Variants in POU2F1 observed in about 807,000 individuals in gnomAD.
The protein encoded by POU2F1 is POU class 2 homeobox 1, also known as POU domain, class 2, transcription factor 1.
POU2F1 carries 16 observed loss-of-function variants against 84.9 expected under a neutral mutation model. The ratio of observed to expected loss-of-function variants is 0.19; its 90% confidence interval spans 0.13 to 0.29. The LOEUF is 0.29. Ranked by LOEUF, POU2F1 falls within the 10% of genes least tolerant of loss-of-function variation. The pLI, the probability that POU2F1 is intolerant of heterozygous loss-of-function variation, is 1.00. For synonymous variants in POU2F1, 368 were observed against 368.3 expected (o/e 1.00, Z 0.01); for missense variants, 738 against 942.6 (o/e 0.78, Z 2.84).
intron 1 of POU2F1, among the ~76,000 whole-genome samples, chr1:167,306,461 T>A (rs1167838739): frequency 6.6e-6 from 1 of 152,206 alleles, no homozygotes. Context: ...TTTATCAAGA[T>A]ATAATACCTT....
At chr1:167,333,594 G>T (rs1657223218) in intron 2 of POU2F1, among the ~76,000 whole-genome samples, 1 of 152,158 alleles carries the variant, frequency 6.6e-6, no homozygotes. Context: ...TATACCTGGA[G>T]ATGCTTATGT....
intron 1 of POU2F1, among the ~76,000 whole-genome samples, chr1:167,282,194 A>G (rs768824482): frequency 3.3e-5 from 5 of 151,220 alleles, no homozygotes; most frequent in South Asian, 2.1e-4. Context: ...CCAGGCTGGA[A>G]TGCAGTGGCG....
chr1:167,248,713 A>G (rs546060604), intron 1 of POU2F1, among the ~76,000 whole-genome samples: 23 of 152,312 alleles, frequency 1.5e-4, no homozygotes, highest in African/African-American at 5.1e-4. Context: ...GTACTGAACA[A>G]ACACAAGAGC....
In POU2F1 at chr1:167,301,206, C is replaced by G. The variant is rs533678221; in HGVS notation, c.62-31264C>G. Among the ~76,000 whole-genome samples the G allele has an allele frequency of 3.6e-4, 55 of 152,140 alleles. No individual in the cohort carries two copies. In the East Asian group the frequency reaches 8.1e-3, roughly 22 times the overall value. On this transcript the variant is annotated intron_variant, in intron 1 of 15. Transcript: ENST00000367866. Reference sequence around the variant, plus strand: ...CTCTCTCTCTCTCTCTGAATGTTACCTATTACATTAGGTGACCCACAGGGA... The same window carrying G: ...CTCTCTCTCTCTCTCTGAATGTTACGTATTACATTAGGTGACCCACAGGGA...
At chr1:167,227,976 C>T (rs1048402226) in intron 1 of POU2F1, among the ~76,000 whole-genome samples, 1 of 152,196 alleles carries the variant, frequency 6.6e-6, no homozygotes, top group African/African-American at 2.4e-5. Flanking sequence ...AGTCACTTAA[C>T]TATTCAGTAA....
chr1:167,247,118 C>A (rs1650386971), intron 1 of POU2F1, among the ~76,000 whole-genome samples: 1 of 151,582 alleles, frequency 6.6e-6, no homozygotes, highest in Admixed American at 6.6e-5. Flanking sequence ...CTCTGTCGCC[C>A]AGGATGAAGT....
chr1:167,223,023 A>G (rs1305877449), intron 1 of POU2F1, among the ~76,000 whole-genome samples: 1 of 152,228 alleles, frequency 6.6e-6, no homozygotes, highest in Non-Finnish European at 1.5e-5. Context: ...CAACAGTTTC[A>G]TAATTTCTTG....
intron 1 of POU2F1, among the ~76,000 whole-genome samples, chr1:167,308,695 T>G (rs1655254899): frequency 6.6e-6 from 1 of 152,040 alleles, no homozygotes; most frequent in Admixed American, 6.5e-5. Context: ...CTGGCTGACT[T>G]TTTTGTAGAG....
intron 1 of POU2F1, among the ~76,000 whole-genome samples, chr1:167,262,485 G>T (rs558078085): frequency 6.6e-6 from 1 of 152,194 alleles, no homozygotes; most frequent in Non-Finnish European, 1.5e-5. Context: ...ATCAGAAACC[G>T]TATCTGCCCT....
At chr1:167,229,350 A>G (rs571566119) in intron 1 of POU2F1, among the ~76,000 whole-genome samples, 25 of 152,108 alleles carry the variant, frequency 1.6e-4, no homozygotes, top group Non-Finnish European at 2.6e-4. Context: ...CAGTGAATTC[A>G]CTTTGACATG....
intron 13 of POU2F1, among the ~76,000 whole-genome samples, chr1:167,404,710 G>A (rs1354263688): frequency 6.6e-6 from 1 of 152,136 alleles, no homozygotes; most frequent in East Asian, 1.9e-4. Context: ...CTCAGTATCT[G>A]ACAAATAACT....
chr1:167,267,275 A>G (rs1652033964), intron 1 of POU2F1, among the ~76,000 whole-genome samples: 2 of 152,074 alleles, frequency 1.3e-5, no homozygotes, highest in South Asian at 2.1e-4. Context: ...ATACCAAACT[A>G]TATATGCAAG....
intron 1 of POU2F1, among the ~76,000 whole-genome samples, chr1:167,248,848 T>C (rs1650523436): frequency 6.6e-6 from 1 of 152,204 alleles, no homozygotes; most frequent in African/African-American, 2.4e-5. Context: ...TTAATTTTCA[T>C]AACAACTTTA....
chr1:167,293,252 C>T (rs1303234748), intron 1 of POU2F1, among the ~76,000 whole-genome samples: 1 of 152,100 alleles, frequency 6.6e-6, no homozygotes, highest in Non-Finnish European at 1.5e-5. Context: ...CCTAAAGACT[C>T]TTAGATTCGA....
intron 1 of POU2F1, among the ~76,000 whole-genome samples, chr1:167,328,570 T>C (rs771769471): frequency 1.3e-5 from 2 of 152,168 alleles, no homozygotes; most frequent in Non-Finnish European, 2.9e-5. Context: ...CTTAAGTCTG[T>C]AGGGTTGTTT....
In POU2F1 at chr1:167,300,915, C is replaced by T. The variant is rs993528237; in HGVS notation, c.62-31555C>T. ...CCTCCTGAGTGGCTGGGATTACAGG[C>T]GCATGCCACCACGCGCAGCTAATTT... is the stretch of plus-strand genomic sequence containing the variant. On this transcript the variant is annotated intron_variant, in intron 1 of 15. Coordinates refer to ENST00000367866, the MANE Select transcript of POU2F1 (RefSeq NM_002697.4). Among the ~76,000 whole-genome samples, 5 of 152,024 alleles carry T rather than the reference C, an allele frequency of 3.3e-5. No homozygotes were observed. The South Asian group carries it at 8.3e-4, about 25-fold the overall frequency.
At chr1:167,230,513 A>G (rs1039263718) in intron 1 of POU2F1, among the ~76,000 whole-genome samples, 1 of 152,180 alleles carries the variant, frequency 6.6e-6, no homozygotes, top group Non-Finnish European at 1.5e-5. Context: ...TCCTTTCCAC[A>G]GTAGCTTTTG....
rs150793773 is a variant in POU2F1, at chr1:167,222,668, C to T, written c.61+1710C>T. Among the ~76,000 whole-genome samples, 191 of 152,294 alleles carry T rather than the reference C, an allele frequency of 1.3e-3. 6 individuals carry two copies. In the East Asian group the frequency reaches 0.031, roughly 25 times the overall value. ...CAACTTCCACACACTTTCCCCTCCT[C>T]TGCGGGCAAAACAAACTCTCTTGGG... is the stretch of plus-strand genomic sequence containing the variant. On this transcript the variant is annotated intron_variant, in intron 1 of 15. Transcript: ENST00000367866.
chr1:167,325,546 CTAA>C (rs1455766809), intron 1 of POU2F1, among the ~76,000 whole-genome samples: 1 of 152,084 alleles, frequency 6.6e-6, no homozygotes, highest in African/African-American at 2.4e-5. Context: ...AATTTCATTT[CTAA>C]TGATACCTAC....
Sources: allele counts gnomAD v4.1 joint callset (sites outside exome capture counted in the v4.1 genomes callset), GRCh38; gene constraint gnomAD v4.1.1; transcripts MANE v1.5; gene names NCBI Gene and HGNC (gene_info 2026-07-23, HGNC 2026-07-21).